The following DOCK1 variants were observed in gnomAD, a reference collection of about 807,000 sequenced individuals.
DOCK1 encodes dedicator of cytokinesis 1.
DOCK1 carries 138 observed loss-of-function variants against 262.7 expected under a neutral mutation model. That is an observed-to-expected ratio of 0.53 (90% confidence interval 0.46 to 0.61). DOCK1 has a LOEUF of 0.61. DOCK1 is among the 20% of genes least tolerant of loss of function. DOCK1 has a pLI of 0.00. For missense variants in DOCK1, 1,908 were observed against 2,370.7 expected, an observed-to-expected ratio of 0.80 and a Z score of 4.05; for synonymous variants, 866 against 867.4, an observed-to-expected ratio of 1.00 and a Z score of 0.03.
intron 27 of DOCK1, among the ~76,000 whole-genome samples, chr10:127,142,227 G>C (rs1354546494): frequency 6.6e-6 from 1 of 152,214 alleles, no homozygotes; most frequent in East Asian, 1.9e-4. Flanking sequence ...CTCCAGTGCA[G>C]GGGCTCATTC....
intron 25 of DOCK1, among the ~76,000 whole-genome samples, chr10:127,122,898 C>A (rs938089246): frequency 6.6e-6 from 1 of 152,076 alleles, no homozygotes; most frequent in Non-Finnish European, 1.5e-5. Context: ...CAAATGAGAC[C>A]AGCACACTCA....
chr10:127,184,275 G>T (rs576380311), intron 27 of DOCK1, among the ~76,000 whole-genome samples: 6 of 152,106 alleles, frequency 3.9e-5, no homozygotes, highest in Admixed American at 3.3e-4. Context: ...TATGCTGAAG[G>T]CTTCCAACAA....
At chr10:127,120,987 T>A (rs913078247) in intron 25 of DOCK1, among the ~76,000 whole-genome samples, 7 of 152,260 alleles carry the variant, frequency 4.6e-5, no homozygotes, top group African/African-American at 9.6e-5. Flanking sequence ...AGCATCCCCA[T>A]TTTGCACATT....
intron 22 of DOCK1, among the ~76,000 whole-genome samples, chr10:127,054,013 A>G (rs1236578325): frequency 6.6e-6 from 1 of 152,198 alleles, no homozygotes; most frequent in Non-Finnish European, 1.5e-5. Flanking sequence ...TGTCCCTCTG[A>G]ATTAGCGAAT....
chr10:127,364,630 C>A (rs1343376651), intron 33 of DOCK1, among the ~76,000 whole-genome samples: 1 of 152,204 alleles, frequency 6.6e-6, no homozygotes, highest in Non-Finnish European at 1.5e-5. Context: ...TCCCAAAGTG[C>A]TGTGATTACA....
intron 23 of DOCK1, among the ~76,000 whole-genome samples, chr10:127,086,985 A>G (rs2047236613): frequency 6.6e-6 from 1 of 152,166 alleles, no homozygotes; most frequent in South Asian, 2.1e-4. Flanking sequence ...TTCTTATTTA[A>G]TCCAGAGTCA....
At chr10:126,975,720 G>C (rs1331749572) in intron 2 of DOCK1, among the ~76,000 whole-genome samples, 1 of 151,076 alleles carries the variant, frequency 6.6e-6, no homozygotes, top group African/African-American at 2.4e-5. Flanking sequence ...TGCCTCCCTG[G>C]TTCAGGTGAT....
intron 23 of DOCK1, among the ~76,000 whole-genome samples, chr10:127,077,542 A>T (rs748298018): frequency 1.3e-5 from 2 of 152,152 alleles, no homozygotes; most frequent in African/African-American, 4.8e-5. Context: ...CGCTTTTCAC[A>T]TGGATTCAAG....
chr10:127,227,108 CA>C lies in DOCK1; in HGVS notation c.2848-20899del, dbSNP rs2058672109. Among the ~76,000 whole-genome samples, 4 of 152,208 alleles carry C rather than the reference CA, an allele frequency of 2.6e-5. No individual in the cohort carries two copies. The South Asian group carries it at 8.3e-4, about 32-fold the overall frequency. ...CGATCCCAGGAATCTCGTTGAAGTC[CA>C]GTTCTCCACGTGGCCACCCTTGACT... On this transcript the variant is annotated intron_variant, in intron 27 of 51. Transcript: ENST00000623213.
At chr10:127,014,113 G>A (rs892380796) in intron 12 of DOCK1, among the ~76,000 whole-genome samples, 6 of 152,188 alleles carry the variant, frequency 3.9e-5, no homozygotes, top group Non-Finnish European at 8.8e-5. Context: ...TCACCACTTG[G>A]CCTTGGCCAG....
At chr10:126,944,929 C>G (rs2134283295) in intron 1 of DOCK1, among the ~76,000 whole-genome samples, 1 of 152,222 alleles carries the variant, frequency 6.6e-6, no homozygotes, top group East Asian at 1.9e-4. Context: ...GCCTCTGTCT[C>G]CCGGGTTCAA....
At chr10:127,258,320 T>G (rs1467486263) in intron 29 of DOCK1, among the ~76,000 whole-genome samples, 1 of 152,166 alleles carries the variant, frequency 6.6e-6, no homozygotes, top group Non-Finnish European at 1.5e-5. Flanking sequence ...ATCCGTAAGC[T>G]CTCTCGACCA....
intron 10 of DOCK1, among the ~76,000 whole-genome samples, chr10:127,006,552 C>T (rs1311704667): frequency 6.6e-6 from 1 of 152,206 alleles, no homozygotes; most frequent in African/African-American, 2.4e-5. Flanking sequence ...GGAGCACTCC[C>T]TCTGCGTGGG....
intron 33 of DOCK1, among the ~76,000 whole-genome samples, chr10:127,367,317 G>T (rs1419238032): frequency 6.6e-6 from 1 of 152,086 alleles, no homozygotes; most frequent in Admixed American, 6.5e-5. Context: ...GAGCACAAAT[G>T]TTCCTTCGGA....
At position 127,374,218 on chromosome 10, in the gene DOCK1, A is replaced by G. The variant is rs1489773070; in HGVS notation, c.3675+4A>G. On this transcript the variant is annotated splice_donor_region_variant and intron_variant, in intron 35 of 51. Coordinates refer to ENST00000623213, the MANE Select transcript of DOCK1 (RefSeq NM_001290223.2). ...GAGCTGCACCGTCAATGTGCTGGTG[A>G]GTGAAAGCTTAATCACGTTTTTTCA... 3 of 1,603,618 alleles carry G rather than the reference A, an allele frequency of 1.9e-6. No individual in the cohort carries two copies. Among genetic ancestry groups the G allele is most frequent in the Non-Finnish European group, 2.6e-6 (3 of 1,175,580 alleles).
rs11018403 is a variant in DOCK1, at chr10:127,063,029, C to G, written c.2445+1253C>G. Among the ~76,000 whole-genome samples the G allele has an allele frequency of 6.7e-3, 1,015 of 152,228 alleles. 5 individuals are homozygous for G. The highest frequency in any genetic ancestry group is 0.014 in the Middle Eastern group (4 of 292). On this transcript the variant is annotated intron_variant, in intron 23 of 51. Transcript: ENST00000623213. ...AGGCCCATGGAGCAGCCGCAGGACC[C>G]CCACAATCTTGGTTATCCTAGTTAT... is the stretch of plus-strand genomic sequence containing the variant.
chr10:127,418,104 T>C (rs1481162935), intron 44 of DOCK1, among the ~76,000 whole-genome samples: 1 of 152,176 alleles, frequency 6.6e-6, no homozygotes, highest in East Asian at 1.9e-4. Context: ...TTTCCTGGGA[T>C]GACCACATAT....
intron 47 of DOCK1, among the ~76,000 whole-genome samples, chr10:127,432,891 A>C (rs1394963713): frequency 2.6e-5 from 4 of 152,142 alleles, no homozygotes; most frequent in Admixed American, 2.6e-4. Context: ...TAGTCTGTCA[A>C]CCTGCAGAGA....
At chr10:126,922,231 A>G (rs974387589) in intron 1 of DOCK1, among the ~76,000 whole-genome samples, 2 of 151,400 alleles carry the variant, frequency 1.3e-5, no homozygotes, top group Non-Finnish European at 2.9e-5. Context: ...AAAAAAAAAA[A>G]AAAGGAAAGA....
Sources: allele counts gnomAD v4.1 joint callset (sites outside exome capture counted in the v4.1 genomes callset), GRCh38; gene constraint gnomAD v4.1.1; transcripts MANE v1.5; gene names NCBI Gene and HGNC (gene_info 2026-07-23, HGNC 2026-07-21).